The following MAST4 variants were observed in gnomAD, a reference collection of about 807,000 sequenced individuals.
MAST4 encodes the protein microtubule-associated serine/threonine-protein kinase 4.
Under a neutral mutation model 162.7 loss-of-function variants are expected in MAST4, and 89 were observed. The ratio of observed to expected loss-of-function variants is 0.55; its 90% CI spans 0.46 to 0.65. The LOEUF is 0.65. Ranked by LOEUF, MAST4 falls within the 30% of genes least tolerant of loss-of-function variation. MAST4 has a pLI of 0.00. For missense variants in MAST4, 3,153 were observed against 3,374.0 expected (o/e 0.93, Z 1.62); for synonymous variants, 1,479 against 1,361.1 (o/e 1.09, Z -1.91).
At chr5:67,070,442 C>G (rs1760822626) in intron 5 of MAST4, among the ~76,000 whole-genome samples, 1 of 152,188 alleles carries the variant, frequency 6.6e-6, no homozygotes, top group South Asian at 2.1e-4. Flanking sequence ...CCTATCTAAC[C>G]TGAATTCTGC....
At position 66,900,057 on chromosome 5, in the gene MAST4, A is replaced by G. The variant is rs554652206; in HGVS notation, c.674+75A>G. 155 of 979,192 alleles carry G rather than the reference A, an allele frequency of 1.6e-4. No individual in the cohort carries two copies. In the Middle Eastern group the frequency reaches 2.7e-3, roughly 17 times the overall value. 60.7% of individuals were successfully genotyped at this position (979,192 alleles called of 1,614,324 possible). ...TTATAGTATGATTCTTCTCTGATTC[A>G]TTAGTGGCAATTATAAAATGAATGA... On this transcript the variant is annotated intron_variant, in intron 4 of 28. Coordinates refer to ENST00000403625, the MANE Select transcript of MAST4 (RefSeq NM_001164664.2).
intron 3 of MAST4, among the ~76,000 whole-genome samples, chr5:66,885,259 T>G (rs373322888): frequency 3.3e-4 from 50 of 152,304 alleles, no homozygotes; most frequent in African/African-American, 1.2e-3. Context: ...GGGCATAGAT[T>G]TTCTCACACA....
At chr5:66,801,052 A>G (rs1755894586) in intron 3 of MAST4, among the ~76,000 whole-genome samples, 1 of 152,212 alleles carries the variant, frequency 6.6e-6, no homozygotes, top group Non-Finnish European at 1.5e-5. Context: ...AGGTGTAACA[A>G]AGTTAGAAGA....
intron 4 of MAST4, among the ~76,000 whole-genome samples, chr5:66,985,133 T>A (rs570155894): frequency 3.9e-5 from 6 of 152,206 alleles, no homozygotes; most frequent in Admixed American, 3.9e-4. Context: ...GGAGGAGGCA[T>A]GACCAGAGAT....
At chr5:66,832,119 C>T (rs191081136) in intron 3 of MAST4, among the ~76,000 whole-genome samples, 1 of 152,204 alleles carries the variant, frequency 6.6e-6, no homozygotes, top group African/African-American at 2.4e-5. Flanking sequence ...AGAGGGGCAT[C>T]CCAGAGCGGC....
chr5:66,609,594 C>G (rs1195741730), intron 1 of MAST4, among the ~76,000 whole-genome samples: 1 of 151,358 alleles, frequency 6.6e-6, no homozygotes, highest in Non-Finnish European at 1.5e-5. Flanking sequence ...GCCATGCTGC[C>G]CAGGCTGGTC....
intron 2 of MAST4, among the ~76,000 whole-genome samples, chr5:66,775,846 GA>G (rs1425081069): frequency 1.3e-5 from 2 of 152,070 alleles, no homozygotes; most frequent in Non-Finnish European, 2.9e-5. Flanking sequence ...TAGTATTTTT[GA>G]GGAAATATTT....
At chr5:66,984,418 G>T (rs973245565) in intron 4 of MAST4, among the ~76,000 whole-genome samples, 1 of 152,182 alleles carries the variant, frequency 6.6e-6, no homozygotes, top group Admixed American at 6.5e-5. Flanking sequence ...AGGAGATTGG[G>T]CTTTCCTTTA....
At chr5:66,989,703 A>G (rs1425502581) in intron 4 of MAST4, among the ~76,000 whole-genome samples, 1 of 152,226 alleles carries the variant, frequency 6.6e-6, no homozygotes, top group Admixed American at 6.5e-5. Flanking sequence ...AGTCACACTA[A>G]GCAAAATTTT....
chr5:66,866,893 G>A (rs1351144746), intron 3 of MAST4, among the ~76,000 whole-genome samples: 1 of 151,840 alleles, frequency 6.6e-6, no homozygotes, highest in Non-Finnish European at 1.5e-5. Context: ...AGGACCATAG[G>A]CGTGGGCTAC....
At chr5:66,962,116 A>G (rs6872474) in intron 4 of MAST4, among the ~76,000 whole-genome samples, 2 of 152,216 alleles carry the variant, frequency 1.3e-5, no homozygotes, top group Non-Finnish European at 2.9e-5. Context: ...AGTAAGCCCA[A>G]ATCTGATTTT....
chr5:67,068,800 C>A lies in MAST4; in HGVS notation c.763+14308C>A, dbSNP rs1760552432. On this transcript the variant is annotated intron_variant, in intron 5 of 28. Coordinates refer to ENST00000403625, the MANE Select transcript of MAST4 (RefSeq NM_001164664.2). The stretch of plus-strand genomic sequence containing the variant: ...ATTATTTTAGGAATGAACTATATTG[C>A]TGTGGTACATTAAAATAGTAGTCAA... 2.0e-5 allele frequency among the ~76,000 whole-genome samples: 3 copies of A among 151,860 alleles called. No individual in the cohort carries two copies. The South Asian group carries it at 6.2e-4, about 32-fold the overall frequency.
At chr5:66,807,127 T>C (rs1387211258) in intron 3 of MAST4, among the ~76,000 whole-genome samples, 1 of 152,248 alleles carries the variant, frequency 6.6e-6, no homozygotes, top group African/African-American at 2.4e-5. Flanking sequence ...AATCACATCA[T>C]GGAGAAAGAG....
At chr5:67,156,761 C>T (rs1029491940) in intron 26 of MAST4, among the ~76,000 whole-genome samples, 2 of 152,088 alleles carry the variant, frequency 1.3e-5, no homozygotes, top group Non-Finnish European at 2.9e-5. Context: ...GGGTTGAGGC[C>T]GCAGGGATGC....
At chr5:67,152,505 T>G (rs1032011288) in intron 24 of MAST4, 132 bp from the exon 25 acceptor site, 1 of 691,962 alleles carries the variant, frequency 1.4e-6, no homozygotes, top group African/African-American at 1.8e-5. Flanking sequence ...CATCTTCATT[T>G]TGCTATTGGA....
intron 1 of MAST4, among the ~76,000 whole-genome samples, chr5:66,650,740 C>A (rs903429311): frequency 6.6e-6 from 1 of 152,174 alleles, no homozygotes; most frequent in Non-Finnish European, 1.5e-5. Flanking sequence ...CAGCAGTACT[C>A]CAGAACATCA....
chr5:66,807,267 C>T (rs926195506), intron 3 of MAST4, among the ~76,000 whole-genome samples: 3 of 152,026 alleles, frequency 2.0e-5, no homozygotes, highest in Non-Finnish European at 4.4e-5. Flanking sequence ...GAGGCCGAGG[C>T]GGGTGGATCA....
intron 1 of MAST4, among the ~76,000 whole-genome samples, chr5:66,745,858 A>G (rs989161915): frequency 9.2e-5 from 14 of 152,218 alleles, no homozygotes; most frequent in African/African-American, 3.4e-4. Flanking sequence ...ATTTGGGTAA[A>G]CAAATTTTTT....
intron 24 of MAST4, among the ~76,000 whole-genome samples, chr5:67,150,383 TTA>T (rs1375223820): frequency 6.6e-6 from 1 of 152,208 alleles, no homozygotes; most frequent in Non-Finnish European, 1.5e-5. Flanking sequence ...AAGGCATTGT[TTA>T]TGTTTTTGAA....
Sources: gnomAD v4.1 joint callset for allele counts (sites outside exome capture counted in the v4.1 genomes callset) on GRCh38, gnomAD v4.1.1 for gene constraint, MANE v1.5 for transcripts, NCBI Gene and HGNC (gene_info 2026-07-23, HGNC 2026-07-21) for gene names.